METTL21A: variants seen among roughly 807,000 people sequenced by gnomAD.
METTL21A encodes methyltransferase 21A, HSPA lysine, also known as protein N-lysine methyltransferase METTL21A.
Under a neutral mutation model 20.9 loss-of-function variants are expected in METTL21A, and 22 were observed. The observed-to-expected ratio is 1.05, with a 90% CI of 0.75 to 1.50. The LOEUF is 1.50. Ranked by LOEUF, METTL21A falls within the 40% of genes most tolerant of loss-of-function variation. The probability of loss-of-function intolerance (pLI) is 0.00; values close to 1 mark genes in which losing one functional copy is unlikely to be tolerated. For missense variants in METTL21A, 271 were observed against 266.8 expected (o/e 1.02, Z -0.11); for synonymous variants, 93 against 102.0 (o/e 0.91, Z 0.53).
chr2:207,613,044 AATT>A, exon 4 of METTL21A: 1 of 1,544,178 alleles, frequency 6.5e-7, no homozygotes, highest in Non-Finnish European at 8.7e-7. Flanking sequence ...AATTATAGCC[AATT>A]ATAAGTCCTC....
At chr2:207,586,052 T>C (rs1384591105) in intron 3 of METTL21A, among the ~76,000 whole-genome samples, 1 of 152,112 alleles carries the variant, frequency 6.6e-6, no homozygotes, top group African/African-American at 2.4e-5. Flanking sequence ...AAAAAGGCCT[T>C]TCTAAGACAC....
At chr2:207,595,202 G>A (rs1278077815) in intron 3 of METTL21A, among the ~76,000 whole-genome samples, 4 of 151,488 alleles carry the variant, frequency 2.6e-5, no homozygotes, top group South Asian at 2.1e-4. Context: ...CACCATGTTG[G>A]CCAGGCTGGT....
Position 207,613,839 on chromosome 2 carries a change from C to T in METTL21A, c.260-396G>A, listed in dbSNP as rs138003273. Among the ~76,000 whole-genome samples the T allele has an allele frequency of 6.5e-3, 994 of 152,138 alleles. 10 individuals are homozygous for T. Among genetic ancestry groups the T allele is most frequent in the African/African-American group, 0.022 (914 of 41,516 alleles). The stretch of plus-strand genomic sequence containing the variant: ...ATACAAAATTAGCCAGGCATGGTGG[C>T]GGGCACCTGTAATCCCAGCTACTCG... On this transcript the variant is annotated intron_variant, in intron 3 of 3. Coordinates refer to ENST00000406927, the Ensembl canonical transcript of METTL21A.
chr2:207,621,395 T>C (rs1191443305), intron 3 of METTL21A, among the ~76,000 whole-genome samples: 1 of 152,230 alleles, frequency 6.6e-6, no homozygotes, highest in Non-Finnish European at 1.5e-5. Flanking sequence ...GAAAAGACTA[T>C]CTGCTCTATC....
intron 3 of METTL21A, among the ~76,000 whole-genome samples, chr2:207,594,387 G>A (rs532990099): frequency 2.0e-5 from 3 of 152,046 alleles, no homozygotes; most frequent in East Asian, 3.9e-4. Context: ...CCATTTCCTC[G>A]TTCCCCCAGC....
At chr2:207,593,719 CTTTT>C (rs5838079) in intron 3 of METTL21A, among the ~76,000 whole-genome samples, 3 of 102,666 alleles carry the variant, frequency 2.9e-5, no homozygotes, top group Non-Finnish European at 3.9e-5. Flanking sequence ...TCCTCACAAA[CTTTT>C]TTTTTTTTTT....
At chr2:207,586,626 A>T (rs982221343) in intron 3 of METTL21A, among the ~76,000 whole-genome samples, 1 of 152,228 alleles carries the variant, frequency 6.6e-6, no homozygotes, top group Non-Finnish European at 1.5e-5. Flanking sequence ...GACAACCTGC[A>T]GAATGGGAGG....
chr2:207,595,419 AT>A (rs548081856), intron 3 of METTL21A, among the ~76,000 whole-genome samples: 3,199 of 149,462 alleles, frequency 0.021, 42 homozygotes, highest in South Asian at 0.053. Flanking sequence ...TATATTCTAG[AT>A]TTTTTTTTTC....
chr2:207,604,297 C>T (rs1222836366), downstream of METTL21A, among the ~76,000 whole-genome samples: 2 of 152,206 alleles, frequency 1.3e-5, no homozygotes, highest in African/African-American at 4.8e-5. Flanking sequence ...TAACATATGT[C>T]TTTTACACTC....
chr2:207,604,489 ATCTT>A (rs4025849), downstream of METTL21A, among the ~76,000 whole-genome samples: 126,004 of 151,850 alleles, frequency 0.83, 52,473 homozygotes, highest in East Asian at 1. Context: ...ATTTCTCCAC[ATCTT>A]TCTTAAGTGC....
At chr2:207,593,814 G>A (rs1384173779) in intron 3 of METTL21A, among the ~76,000 whole-genome samples, 2 of 150,726 alleles carry the variant, frequency 1.3e-5, no homozygotes, top group Non-Finnish European at 2.9e-5. Context: ...TGCCTCCTGG[G>A]TTCAAGCGAT....
chr2:207,619,296 T>C (rs180749907), intron 3 of METTL21A, among the ~76,000 whole-genome samples: 4 of 151,916 alleles, frequency 2.6e-5, no homozygotes, highest in Admixed American at 2.6e-4. Context: ...AGGCTTCTGG[T>C]GGGTTCTCCC....
chr2:207,603,578 T>C (rs1268021506), intron 3 of METTL21A: 3 of 224,238 alleles, frequency 1.3e-5, no homozygotes, highest in Non-Finnish European at 2.7e-5. Flanking sequence ...GACAACAACA[T>C]GTCTTCAGTT....
intron 3 of METTL21A, chr2:207,603,242 A>C (rs1044797767): frequency 4.6e-5 from 10 of 219,276 alleles, no homozygotes; most frequent in Admixed American, 5.8e-5. Flanking sequence ...TATTAACACT[A>C]TGTACATAAT....
chr2:207,591,188 A>G (rs2084964249), intron 3 of METTL21A, among the ~76,000 whole-genome samples: 2 of 152,124 alleles, frequency 1.3e-5, no homozygotes, highest in Admixed American at 1.3e-4. Flanking sequence ...CTGAGACTCT[A>G]CTTAGTCTAT....
At chr2:207,608,707 G>A (rs2088502363), downstream of METTL21A, among the ~76,000 whole-genome samples, 2 of 152,144 alleles carry the variant, frequency 1.3e-5, no homozygotes, top group African/African-American at 4.8e-5. Context: ...TGAGACAGGT[G>A]GATCATGAAG....
At chr2:207,591,629 C>T (rs891118430) in intron 3 of METTL21A, among the ~76,000 whole-genome samples, 5 of 152,254 alleles carry the variant, frequency 3.3e-5, no homozygotes, top group East Asian at 3.9e-4. Context: ...GACGGGGTTT[C>T]GCCATGTTGG....
In METTL21A at chr2:207,582,148, T is replaced by G. The variant is rs1256480672; in HGVS notation, c.272A>C (p.Ter91SerextTer5). 4.3e-6 allele frequency: 3 copies of G among 702,866 alleles called. No homozygotes were observed. In the African/African-American group the frequency reaches 5.2e-5, roughly 12 times the overall value. The allele number at this position is 702,866 out of a possible 1,614,324, so 43.5% of individuals were successfully genotyped here. A position where few individuals can be genotyped will look rare whatever the true frequency, so the allele number is the denominator to read the frequency against. Residue 91 changes from the stop codon to serine (S), a stop_lost, in exon 4 of 4, where the codon TAA (stop) becomes TCA (serine). Transcript: ENST00000425132. ...AGCCCATATTCAAGGGGAGGAGAAT[T>G]AAATTCCACCTCCTAAAAGGGAGAA...
intron 3 of METTL21A, chr2:207,601,888 T>G (rs1254031455): frequency 1.4e-5 from 3 of 214,896 alleles, no homozygotes; most frequent in African/African-American, 2.3e-5. Flanking sequence ...TCTTGAATAT[T>G]CTTAATGTAA....
Sources: allele counts gnomAD v4.1 joint callset (sites outside exome capture counted in the v4.1 genomes callset), GRCh38; gene constraint gnomAD v4.1.1; transcripts MANE v1.5; gene names NCBI Gene and HGNC (gene_info 2026-07-23, HGNC 2026-07-21).